Variants in LMF1 observed in about 807,000 individuals in gnomAD.
LMF1 encodes transmembrane protein 112.
LMF1 carries 68 observed loss-of-function variants against 60.6 expected under a neutral mutation model. That is an observed-to-expected ratio of 1.12 (90% CI 0.92 to 1.37). LMF1 has a LOEUF of 1.37. LMF1 is among the 40% of genes most tolerant of loss of function. The pLI, the probability that LMF1 is intolerant of heterozygous loss-of-function variation, is 0.00. For synonymous variants in LMF1, 418 were observed against 324.7 expected, an observed-to-expected ratio of 1.29 and a Z score of -3.09; for missense variants, 948 against 767.2, an observed-to-expected ratio of 1.24 and a Z score of -2.78.
In LMF1 at chr16:911,035, G is replaced by A; in HGVS notation, c.559C>T (p.Leu187=). 1.9e-6 allele frequency: 3 copies of A among 1,613,022 alleles called. No homozygotes were observed. Among genetic ancestry groups the A allele is most frequent in the Non-Finnish European group, 2.5e-6 (3 of 1,179,804 alleles). ...CTTGACAGCGTCCACAGAGGGCACA[G>A]GAAGATCCCCAGGAACCCCGTCTCC... ...LLETGFLGIF[L]CPLWTLSRLP... The change falls in exon 4 of 11, where the codon CTG becomes TTG. Residue 187 remains leucine (L), a synonymous_variant. Coordinates refer to ENST00000262301, the MANE Select transcript of LMF1 (RefSeq NM_022773.4).
At chr16:967,251 G>A (rs892633205) in intron 1 of LMF1, among the ~76,000 whole-genome samples, 2 of 152,230 alleles carry the variant, frequency 1.3e-5, no homozygotes, top group African/African-American at 4.8e-5. Flanking sequence ...CAGACCAGCT[G>A]TTTGCCACAC....
intron 10 of LMF1, among the ~76,000 whole-genome samples, chr16:867,372 C>T (rs988740512): frequency 5.3e-5 from 8 of 152,338 alleles, no homozygotes; most frequent in African/African-American, 1.9e-4. Flanking sequence ...AAGAGGCTTC[C>T]GTCACGACCT....
Position 874,271 on chromosome 16 carries a change from C to A in LMF1, c.898-2930G>T, listed in dbSNP as rs1178425788. 4.9e-5 allele frequency among the ~76,000 whole-genome samples: 7 copies of A among 141,626 alleles called. No homozygotes were observed. The highest frequency in any genetic ancestry group is 1.1e-4 in the Non-Finnish European group (7 of 64,736). 92.9% of individuals were successfully genotyped at this position (141,626 alleles called of 152,430 possible). On this transcript the variant is annotated intron_variant, in intron 6 of 10. Coordinates refer to ENST00000262301, the MANE Select transcript of LMF1 (RefSeq NM_022773.4). The surrounding 1 kb of genome is among the most constrained non-coding windows in gnomAD (Gnocchi z 4.1). Reference sequence around the variant, plus strand: ...CCTCAGGACAGCCGGCCTGTGTGTGCGGGGCTGGCAGGGCCTCCGGGCCTC... The same window carrying A: ...CCTCAGGACAGCCGGCCTGTGTGTGAGGGGCTGGCAGGGCCTCCGGGCCTC...
intron 1 of LMF1, among the ~76,000 whole-genome samples, chr16:957,763 C>T (rs12595929): frequency 0.29 from 43,589 of 151,978 alleles, 7,085 homozygotes; most frequent in African/African-American, 0.45. Context: ...ATGGAAGAGA[C>T]GGCCCAGACA....
chr16:880,683 T>C (rs778804112), intron 5 of LMF1, among the ~76,000 whole-genome samples: 3 of 152,198 alleles, frequency 2.0e-5, no homozygotes, highest in Non-Finnish European at 4.4e-5. Flanking sequence ...AGTCGATCCA[T>C]CAATCAAGTC....
At chr16:958,303 A>G (rs1281969291) in intron 1 of LMF1, among the ~76,000 whole-genome samples, 1 of 152,172 alleles carries the variant, frequency 6.6e-6, no homozygotes, top group Non-Finnish European at 1.5e-5. Context: ...GAATGAAAAC[A>G]CAAGCCGCAG....
At chr16:957,387 C>T (rs4984620) in intron 1 of LMF1, among the ~76,000 whole-genome samples, 74,497 of 151,708 alleles carry the variant, frequency 0.49, 20,333 homozygotes, top group African/African-American at 0.74. Context: ...AATCTAAAAA[C>T]ATATAAACGG....
At position 955,239 on chromosome 16, in the gene LMF1, G is replaced by A. The variant is rs1280266429; in HGVS notation, c.194-573C>T. On this transcript the variant is annotated intron_variant, in intron 1 of 10. Transcript: ENST00000262301. ...CATAAAAGGCGTGCCTGCAGCAGAC[G>A]TGGTGTGTGCATACACACACACACA... Among the ~76,000 whole-genome samples, 6 of 119,302 alleles carry A rather than the reference G, an allele frequency of 5.0e-5. 1 individual carries two copies. The highest frequency in any genetic ancestry group is 3.0e-4 in the South Asian group (1 of 3,340). 78.3% of individuals were successfully genotyped at this position (119,302 alleles called of 152,430 possible).
intron 3 of LMF1, among the ~76,000 whole-genome samples, chr16:915,895 CCTGGGGCAGGTGAGACTCAGCAG>C (rs1261112920): frequency 6.6e-6 from 1 of 151,288 alleles, no homozygotes; most frequent in Non-Finnish European, 1.5e-5. Flanking sequence ...GACTTGGGGG[CCTGGGGCAGGTGAGACTCAGCAG>C]CTGGGGCAGG....
intron 2 of LMF1, among the ~76,000 whole-genome samples, chr16:940,386 C>G (rs17146060): frequency 6.6e-6 from 1 of 152,042 alleles, no homozygotes; most frequent in African/African-American, 2.4e-5. Context: ...CCTAGAAACA[C>G]AGGCTCACCC....
chr16:954,253 A>T lies in LMF1; in HGVS notation c.503+104T>A, dbSNP rs1190626908. On this transcript the variant is annotated intron_variant, in intron 2 of 10. Transcript: ENST00000262301. ...TGACAATACCCTCCTGAAGGAATTT[A>T]AGATAAACGCTCGTCCAGTCTTTCC... The T allele has an allele frequency of 3.3e-6, 4 of 1,198,664 alleles. No individual in the cohort carries two copies. The African/African-American group carries it at 4.5e-5, about 14-fold the overall frequency. 74.3% of individuals were successfully genotyped at this position (1,198,664 alleles called of 1,614,324 possible). A position where few individuals can be genotyped will look rare whatever the true frequency, so the allele number is the denominator to read the frequency against.
In LMF1 at chr16:858,169, C is replaced by T. The variant is rs199702322; in HGVS notation, c.1530-3463G>A. ...TGAGTGGTGTCTCGGGATGGGTGTGCGTGGTGTCACGGGATGGGTGTGAGT... is the reference window on the plus strand; with the variant it reads ...TGAGTGGTGTCTCGGGATGGGTGTGTGTGGTGTCACGGGATGGGTGTGAGT... On this transcript the variant is annotated intron_variant, in intron 10 of 10. Transcript: ENST00000262301. 4.0e-3 allele frequency among the ~76,000 whole-genome samples: 7 copies of T among 1,756 alleles called. No homozygotes were observed. The East Asian group carries it at 0.096, about 24-fold the overall frequency. The allele number at this position is 1,756 out of a possible 152,430, so 1.2% of individuals were successfully genotyped here.
chr16:884,937 T>C (rs376648756), intron 5 of LMF1: 1 of 152,002 alleles, frequency 6.6e-6, no homozygotes, highest in Non-Finnish European at 1.5e-5. Context: ...GAAATGGTGA[T>C]GTTAGGTGGA....
chr16:958,011 G>T (rs572230239), intron 1 of LMF1, among the ~76,000 whole-genome samples: 21 of 152,334 alleles, frequency 1.4e-4, no homozygotes, highest in African/African-American at 4.3e-4. Flanking sequence ...AAGAGTCTCT[G>T]TAACAATCAT....
chr16:941,149 C>T (rs1026838163), intron 2 of LMF1, among the ~76,000 whole-genome samples: 1 of 151,906 alleles, frequency 6.6e-6, no homozygotes, highest in South Asian at 2.1e-4. Context: ...TATCTTTATC[C>T]TTCCTCTTTC....
At chr16:859,105 C>T (rs1243081283) in intron 10 of LMF1, among the ~76,000 whole-genome samples, 2 of 108,464 alleles carry the variant, frequency 1.8e-5, no homozygotes, top group African/African-American at 4.1e-5. Flanking sequence ...GACGGGTGTG[C>T]AGTGATGTCT....
At chr16:968,118 G>T (rs879882910) in intron 1 of LMF1, among the ~76,000 whole-genome samples, 1 of 152,190 alleles carries the variant, frequency 6.6e-6, no homozygotes, top group Non-Finnish European at 1.5e-5. Flanking sequence ...TACACACCTC[G>T]GTGGCAGCAC....
chr16:954,789 T>G, intron 1 of LMF1, 123 bp from the exon 2 acceptor site: 2 of 886,800 alleles, frequency 2.3e-6, no homozygotes, highest in South Asian at 3.6e-5. Context: ...GCTGACGGTT[T>G]GGGGCCAAAC....
chr16:922,751 C>T (rs932397693), intron 3 of LMF1, among the ~76,000 whole-genome samples: 7 of 120,748 alleles, frequency 5.8e-5, no homozygotes, highest in Non-Finnish European at 1.1e-4. Flanking sequence ...GTGTTGGCGT[C>T]GTGTTGTTGC....
Sources: gnomAD v4.1 joint callset for allele counts (sites outside exome capture counted in the v4.1 genomes callset) on GRCh38, gnomAD v4.1.1 for gene constraint, Gnocchi (gnomAD v3.1) non-coding constraint, MANE v1.5 for transcripts, NCBI Gene and HGNC (gene_info 2026-07-23, HGNC 2026-07-21) for gene names.